Variants in TFG observed in about 807,000 individuals in gnomAD.
TFG encodes the protein trafficking from ER to golgi regulator.
In TFG, 22 loss-of-function variants were observed where a neutral mutation model predicts 51.4. The ratio of observed to expected loss-of-function variants is 0.43; its 90% CI spans 0.31 to 0.61. TFG has a LOEUF of 0.61. Among genes scored for constraint, TFG ranks in the 20% least tolerant of loss-of-function variants. The pLI, the probability that TFG is intolerant of heterozygous loss-of-function variation, is 0.12. For synonymous variants in TFG, 187 were observed against 165.6 expected, an observed-to-expected ratio of 1.13 and a Z score of -0.99; for missense variants, 419 against 487.7, an observed-to-expected ratio of 0.86 and a Z score of 1.33.
Position 100,728,808 on chromosome 3 carries a change from G to T in TFG, c.365G>T (p.Ser122Ile). 6.2e-7 allele frequency: 1 copy of T among 1,611,170 alleles called. No homozygotes were observed. The highest frequency in any genetic ancestry group is 8.5e-7 in the Non-Finnish European group (1 of 1,178,622). The change falls in exon 4 of 8, where the codon AGC becomes ATC. Residue 122 changes from serine to isoleucine, a missense_variant. Coordinates refer to ENST00000240851, the MANE Select transcript of TFG (RefSeq NM_006070.6). ...AATAAAGTGAATCGTTTATTGGATA[G>T]CTTGGAACCACCTGGAGAACCAGGA... is the stretch of plus-strand genomic sequence containing the variant. ...LRNKVNRLLDSLEPPGEPGPS... is the reference protein window; with the variant it reads ...LRNKVNRLLDILEPPGEPGPS...
intron 2 of TFG, among the ~76,000 whole-genome samples, chr3:100,715,188 T>A (rs1335120185): frequency 1.3e-5 from 2 of 152,230 alleles, no homozygotes; most frequent in Non-Finnish European, 2.9e-5. Flanking sequence ...GCAGATATAA[T>A]AGAAATCTTA....
At chr3:100,741,239 T>G (rs1456208301) in intron 6 of TFG, among the ~76,000 whole-genome samples, 2 of 152,154 alleles carry the variant, frequency 1.3e-5, no homozygotes, top group Admixed American at 1.3e-4. Context: ...GAAGGCATTG[T>G]TATCATAGGA....
At chr3:100,728,879 A>G (rs1245106097) in intron 4 of TFG, 21 bp downstream of exon 4, 2 of 1,566,198 alleles carry the variant, frequency 1.3e-6, no homozygotes, top group Non-Finnish European at 1.7e-6. Flanking sequence ...AATCCATTGT[A>G]TTCTGACTTA....
chr3:100,711,251 C>T (rs1192587353), intron 1 of TFG, among the ~76,000 whole-genome samples: 2 of 152,028 alleles, frequency 1.3e-5, no homozygotes, highest in African/African-American at 4.8e-5. Flanking sequence ...TACAGGCGTG[C>T]GCCACGACAA....
In TFG at chr3:100,736,295, T is replaced by C. The variant is rs3773921; in HGVS notation, c.581-281T>C. 0.26 allele frequency among the ~76,000 whole-genome samples: 38,770 copies of C among 151,986 alleles called. 5,524 individuals carry two copies. Among genetic ancestry groups the C allele is most frequent in the East Asian group, 0.51 (2,604 of 5,148 alleles). On this transcript the variant is annotated intron_variant, in intron 5 of 7. Coordinates refer to ENST00000240851, the MANE Select transcript of TFG (RefSeq NM_006070.6). ...TACATTGCTTGGAGTAGGGGGATAT[T>C]GGCATTGCAGACATGAGTTTTGATT...
At chr3:100,720,142 G>C in intron 3 of TFG, 84 bp downstream of exon 3, 2 of 795,204 alleles carry the variant, frequency 2.5e-6, no homozygotes, top group Non-Finnish European at 4.0e-6. Flanking sequence ...TAAAGACTCA[G>C]GTAAGCAATA....
intron 6 of TFG, among the ~76,000 whole-genome samples, chr3:100,737,193 A>G (rs983027372): frequency 5.9e-5 from 9 of 152,180 alleles, no homozygotes; most frequent in African/African-American, 2.2e-4. Context: ...ATTTAGCAAT[A>G]TGTCTTTAAT....
intron 1 of TFG, among the ~76,000 whole-genome samples, chr3:100,711,229 A>T (rs978800002): frequency 1.1e-4 from 16 of 151,852 alleles, no homozygotes; most frequent in African/African-American, 3.9e-4. Flanking sequence ...CAGTCTCCTG[A>T]GTATCTGGGA....
intron 5 of TFG, among the ~76,000 whole-genome samples, chr3:100,735,035 A>T (rs2095102742): frequency 6.6e-6 from 1 of 152,224 alleles, no homozygotes; most frequent in Non-Finnish European, 1.5e-5. Context: ...AATAAATTAC[A>T]TATAAGGGAG....
rs899731406 is a variant in TFG at position 100,709,690 on chromosome 3, G to C, written c.-75G>C. 2 of 150,970 alleles carry C rather than the reference G, an allele frequency of 1.3e-5. No individual in the cohort carries two copies. The highest frequency in any genetic ancestry group is 3.0e-5 in the Non-Finnish European group (2 of 67,420). 9.4% of individuals were successfully genotyped at this position (150,970 alleles called of 1,614,324 possible). The stretch of plus-strand genomic sequence containing the variant: ...GTCCGCCCATTCAGCGGAGACCTGC[G>C]GAGAGGCGGCGGCCGCGGCCTCCGC... On this transcript the variant is annotated 5_prime_UTR_variant, in exon 1 of 8. Coordinates refer to ENST00000240851, the MANE Select transcript of TFG (RefSeq NM_006070.6).
intron 3 of TFG, among the ~76,000 whole-genome samples, chr3:100,727,453 A>G (rs945317527): frequency 6.6e-6 from 1 of 152,140 alleles, no homozygotes; most frequent in African/African-American, 2.4e-5. Flanking sequence ...TTTTATTTTC[A>G]CGTAGATGTC....
chr3:100,744,944 TGAAAG>T lies in TFG; in HGVS notation c.820+15_820+19del, dbSNP rs759062638. Reference sequence around the variant, plus strand: ...ATTCAGTATTCAGGTGAGCAGGTGTTGAAAGGGAGTTGGCTCATGGTTTTTTGTTT... The same window carrying T: ...ATTCAGTATTCAGGTGAGCAGGTGTTGGAGTTGGCTCATGGTTTTTTGTTT... On this transcript the variant is annotated intron_variant, in intron 7 of 7. Transcript: ENST00000240851. 13 of 1,579,196 alleles carry T rather than the reference TGAAAG, an allele frequency of 8.2e-6. No individual in the cohort carries two copies. Among genetic ancestry groups the T allele is most frequent in the Non-Finnish European group, 9.5e-6 (11 of 1,152,588 alleles).
chr3:100,726,944 A>G lies in TFG; in HGVS notation c.269-1768A>G, dbSNP rs138595404. On this transcript the variant is annotated intron_variant, in intron 3 of 7. Transcript: ENST00000240851. The stretch of plus-strand genomic sequence containing the variant: ...ATGAATCTTACTAAATCTTATCTGG[A>G]AGGTGAGAGGAATGAATTGAGGCTA... Among the ~76,000 whole-genome samples, 77 of 152,268 alleles carry G rather than the reference A, an allele frequency of 5.1e-4. No homozygotes were observed. The East Asian group carries it at 0.015, about 29-fold the overall frequency.
chr3:100,713,406 G>T (rs1416945761), intron 1 of TFG, among the ~76,000 whole-genome samples: 1 of 152,108 alleles, frequency 6.6e-6, no homozygotes, highest in Non-Finnish European at 1.5e-5. Context: ...AAATCTAAAT[G>T]GTCATGTCAG....
At chr3:100,714,331 C>T (rs2095039565) in intron 2 of TFG, among the ~76,000 whole-genome samples, 1 of 152,090 alleles carries the variant, frequency 6.6e-6, no homozygotes, top group African/African-American at 2.4e-5. Context: ...GAAACCCTGT[C>T]TCTACTAAAA....
At chr3:100,736,534 C>T (rs756172934) in intron 5 of TFG, 42 bp from the exon 6 acceptor site, 2 of 1,602,462 alleles carry the variant, frequency 1.2e-6, no homozygotes, top group South Asian at 1.1e-5. Flanking sequence ...TGGGGGAAGG[C>T]CTTGTGTTGG....
In TFG at chr3:100,732,549, T is replaced by G. The variant is rs140466338; in HGVS notation, c.457T>G (p.Ser153Ala). Reference sequence around the variant, plus strand: ...GGAAGAAAAGTCTGCTTCTGATTCTTCTGGAAAACAGTCTACTCAGGTTAT... The same window carrying G: ...GGAAGAAAAGTCTGCTTCTGATTCTGCTGGAAAACAGTCTACTCAGGTTAT... ...GREEKSASDS[S>A]GKQSTQVMAA... The change falls in exon 5 of 8, where the codon TCT becomes GCT. Residue 153 changes from serine (S) to alanine (A), a missense_variant. Physicochemically the swap from Ser to Ala is moderately conservative, Grantham distance 99 (BLOSUM62 1). Coordinates refer to ENST00000240851, the MANE Select transcript of TFG (RefSeq NM_006070.6). The G allele has an allele frequency of 7.6e-5, 123 of 1,612,760 alleles. No homozygotes were observed. The African/African-American group carries it at 1.5e-3, about 20-fold the overall frequency.
intron 3 of TFG, 73 bp downstream of exon 3, chr3:100,720,131 T>G (rs2095056721): frequency 1.1e-6 from 1 of 938,942 alleles, no homozygotes; most frequent in African/African-American, 1.7e-5. Flanking sequence ...TTTTTTCCTT[T>G]TAAAGACTCA....
At chr3:100,731,165 A>G (rs1343423208) in intron 4 of TFG, among the ~76,000 whole-genome samples, 1 of 152,164 alleles carries the variant, frequency 6.6e-6, no homozygotes, top group Non-Finnish European at 1.5e-5. Context: ...CTAAGAACTG[A>G]TGTTCATTTA....
Sources: gnomAD v4.1 joint callset for allele counts (sites outside exome capture counted in the v4.1 genomes callset) on GRCh38, gnomAD v4.1.1 for gene constraint, MANE v1.5 for transcripts, NCBI Gene and HGNC (gene_info 2026-07-23, HGNC 2026-07-21) for gene names.